COL26A1: variants seen among roughly 807,000 people sequenced by gnomAD.
COL26A1 encodes the protein collagen alpha-1(XXVI) chain.
A neutral mutation model predicts 59.3 loss-of-function variants in COL26A1; 41 were observed. The ratio of observed to expected loss-of-function variants is 0.69; its 90% CI spans 0.54 to 0.90. The LOEUF (loss-of-function observed/expected upper bound fraction) is 0.90, where lower values mean the gene tolerates loss of function less well. Among genes scored for constraint, COL26A1 ranks in the 40% least tolerant of loss-of-function variants. The pLI is 0.00. For missense variants in COL26A1, 612 were observed against 602.3 expected (o/e 1.02, Z -0.17); for synonymous variants, 266 against 256.0 (o/e 1.04, Z -0.37).
intron 3 of COL26A1, among the ~76,000 whole-genome samples, chr7:101,485,228 G>A (rs1794242515): frequency 6.6e-6 from 1 of 152,122 alleles, no homozygotes; most frequent in African/African-American, 2.4e-5. Context: ...GGAGAGAGAA[G>A]GCCAGAGGTC....
chr7:101,368,793 C>T (rs572179129), intron 1 of COL26A1, among the ~76,000 whole-genome samples: 21 of 152,230 alleles, frequency 1.4e-4, no homozygotes, highest in African/African-American at 4.6e-4. Context: ...AGTCCCGCCT[C>T]CTACTTCAAA....
chr7:101,493,597 T>C (rs1220486174), intron 3 of COL26A1, among the ~76,000 whole-genome samples: 2 of 151,916 alleles, frequency 1.3e-5, no homozygotes, highest in African/African-American at 4.8e-5. Flanking sequence ...TCAATGACCA[T>C]GAAATACAGT....
intron 9 of COL26A1, among the ~76,000 whole-genome samples, chr7:101,550,862 G>A (rs1795845450): frequency 6.6e-6 from 1 of 152,214 alleles, no homozygotes; most frequent in Non-Finnish European, 1.5e-5. Context: ...GCCGTACGTG[G>A]CATTGGCCCA....
At chr7:101,511,550 C>CT (rs1475141628) in intron 3 of COL26A1, among the ~76,000 whole-genome samples, 1 of 152,244 alleles carries the variant, frequency 6.6e-6, no homozygotes, top group East Asian at 1.9e-4. Flanking sequence ...CTGCTGGTCC[C>CT]TGGCCATGGT....
chr7:101,463,636 T>TTCCATCCTTCCATCCTTCCA (rs1323684523), intron 3 of COL26A1, among the ~76,000 whole-genome samples: 1 of 50,424 alleles, frequency 2.0e-5, no homozygotes, highest in African/African-American at 7.8e-5. Context: ...TCTTCCTTCC[T>TTCCATCCTTCCATCCTTCCA]TCCTTCCATC....
intron 3 of COL26A1, among the ~76,000 whole-genome samples, chr7:101,463,498 TTTCCC>T (rs199545397): frequency 9.4e-5 from 12 of 128,176 alleles, no homozygotes; most frequent in East Asian, 2.4e-4. Context: ...CCTCCCCTCC[TTTCCC>T]TTCCCTTCCC....
At chr7:101,384,070 G>A (rs1390422267) in intron 1 of COL26A1, among the ~76,000 whole-genome samples, 1 of 152,036 alleles carries the variant, frequency 6.6e-6, no homozygotes, top group African/African-American at 2.4e-5. Context: ...CTGGAGTGCC[G>A]TGATGCAATC....
At chr7:101,495,534 G>A (rs1174239153) in intron 3 of COL26A1, among the ~76,000 whole-genome samples, 7 of 151,710 alleles carry the variant, frequency 4.6e-5, no homozygotes, top group Non-Finnish European at 8.8e-5. Flanking sequence ...TCGGCCTCCC[G>A]AGTAGCTAGG....
intron 2 of COL26A1, among the ~76,000 whole-genome samples, chr7:101,435,347 T>G (rs943284547): frequency 6.6e-6 from 1 of 152,084 alleles, no homozygotes; most frequent in East Asian, 1.9e-4. Flanking sequence ...GTTCAGGCCA[T>G]GTAGTCGCCC....
chr7:101,539,832 C>A, intron 4 of COL26A1, 61 bp from the exon 5 acceptor site: 2 of 1,530,036 alleles, frequency 1.3e-6, no homozygotes, highest in South Asian at 1.2e-5. Context: ...CCCTGTGTGT[C>A]ACGCATGTCC....
intron 12 of COL26A1, 81 bp from the exon 13 acceptor site, chr7:101,557,289 G>A (rs574696855): frequency 1.1e-5 from 15 of 1,425,352 alleles, no homozygotes; most frequent in African/African-American, 8.5e-5. Context: ...GCATCTCTCC[G>A]TGGCCACATA....
chr7:101,464,100 G>A (rs1016976646), intron 3 of COL26A1, among the ~76,000 whole-genome samples: 1 of 151,548 alleles, frequency 6.6e-6, no homozygotes, highest in African/African-American at 2.4e-5. Flanking sequence ...CAAGTAGCTG[G>A]GTCTACAGGC....
In COL26A1 at chr7:101,431,982, T is replaced by TC. The variant is rs1336862023; in HGVS notation, c.281+11883_281+11884insC. 2.0e-5 allele frequency among the ~76,000 whole-genome samples: 3 copies of TC among 151,246 alleles called. No individual in the cohort carries two copies. In the East Asian group the frequency reaches 5.8e-4, roughly 29 times the overall value. On this transcript the variant is annotated intron_variant, in intron 2 of 12. Transcript: ENST00000313669. ...AATTTTATAATTTTTTTTTTTTTTT[T>TC]TGGAGACGAAGTTTTGCTCTCGTTG...
intron 1 of COL26A1, among the ~76,000 whole-genome samples, chr7:101,366,206 G>T (rs1334680878): frequency 6.6e-6 from 1 of 152,212 alleles, no homozygotes; most frequent in African/African-American, 2.4e-5. Context: ...CAGGCACCTG[G>T]TTGTTGCCTG....
chr7:101,397,441 T>G (rs1051816998), intron 1 of COL26A1, among the ~76,000 whole-genome samples: 1 of 150,816 alleles, frequency 6.6e-6, no homozygotes, highest in African/African-American at 2.5e-5. Context: ...CTTTACTTCT[T>G]TTCTCCTTCC....
intron 6 of COL26A1, among the ~76,000 whole-genome samples, chr7:101,544,583 A>C (rs987998846): frequency 2.3e-5 from 3 of 130,768 alleles, no homozygotes; most frequent in Admixed American, 9.0e-5. Flanking sequence ...CCCAGACTGG[A>C]GCACGGTGGC....
chr7:101,445,575 CA>C (rs57910184), intron 2 of COL26A1, among the ~76,000 whole-genome samples: 134,739 of 149,222 alleles, frequency 0.9, 61,268 homozygotes, highest in African/African-American at 0.98. Context: ...GCTAAAAATA[CA>C]AAAAAATTGG....
chr7:101,477,265 T>C (rs1204044876), intron 3 of COL26A1, among the ~76,000 whole-genome samples: 2 of 152,134 alleles, frequency 1.3e-5, no homozygotes, highest in Non-Finnish European at 2.9e-5. Context: ...TGTAAGGTAT[T>C]GTGTGTCTGC....
In COL26A1 at chr7:101,459,224, C is replaced by T. The variant is rs540703848; in HGVS notation, c.385+11437C>T. On this transcript the variant is annotated intron_variant, in intron 3 of 12. Transcript: ENST00000313669. The stretch of plus-strand genomic sequence containing the variant: ...GTTGTCCCAGTACAAGGGACAGGGC[C>T]GCTAGTCTCTGGGCTGGCTCCTTCC... Among the ~76,000 whole-genome samples the T allele has an allele frequency of 7.9e-5, 12 of 152,262 alleles. No individual in the cohort carries two copies. The South Asian group carries it at 1.7e-3, about 21-fold the overall frequency.
Sources: gnomAD v4.1 joint callset for allele counts (sites outside exome capture counted in the v4.1 genomes callset) on GRCh38, gnomAD v4.1.1 for gene constraint, MANE v1.5 for transcripts, NCBI Gene and HGNC (gene_info 2026-07-23, HGNC 2026-07-21) for gene names.